The following LGR4 variants were observed in gnomAD, a reference collection of about 807,000 sequenced individuals.
The protein encoded by LGR4 is leucine-rich repeat-containing G protein-coupled receptor 4.
LGR4 carries 44 observed loss-of-function variants against 84.8 expected under a neutral mutation model. The observed-to-expected ratio is 0.52, with a 90% confidence interval of 0.41 to 0.67. The LOEUF is 0.67. LGR4 is among the 30% of genes least tolerant of loss of function. The pLI, the probability that LGR4 is intolerant of heterozygous loss-of-function variation, is 0.00. For synonymous variants in LGR4, 429 were observed against 434.3 expected (o/e 0.99, Z 0.15); for missense variants, 1,032 against 1,131.4 (o/e 0.91, Z 1.26).
chr11:27,429,925 G>C (rs939987826), intron 1 of LGR4, among the ~76,000 whole-genome samples: 1 of 152,132 alleles, frequency 6.6e-6, no homozygotes, highest in Non-Finnish European at 1.5e-5. Flanking sequence ...TCCCCCTGCA[G>C]CCCTGCAGGG....
chr11:27,380,235 T>A (rs769755481), intron 10 of LGR4, 36 bp downstream of exon 10: 2 of 1,385,292 alleles, frequency 1.4e-6, no homozygotes, highest in African/African-American at 2.9e-5. Context: ...AGTAGTGTTA[T>A]CTTTATACAA....
At chr11:27,373,744 A>G in intron 14 of LGR4, 68 bp from the exon 15 acceptor site, 1 of 1,365,418 alleles carries the variant, frequency 7.3e-7, no homozygotes, top group Non-Finnish European at 1.0e-6. Flanking sequence ...CTGTACACGT[A>G]TTAACATCAT....
chr11:27,371,594 G>GA, intron 17 of LGR4, 21 bp downstream of exon 17: 1 of 1,562,562 alleles, frequency 6.4e-7, no homozygotes, highest in Non-Finnish European at 8.8e-7. Context: ...GGGTAACTGT[G>GA]AAAAAATAGG....
At position 27,369,153 on chromosome 11, in the gene LGR4, A is replaced by C. The variant is rs1290038178; in HGVS notation, c.1580-10T>G. On this transcript the variant is annotated splice_polypyrimidine_tract_variant and intron_variant, in intron 17 of 17. Transcript: ENST00000379214. ...CAGGGCTTAAAAGCACCTAAAAAAA[A>C]CACACACAGAGAGAGAGAAATAAAA... The C allele has an allele frequency of 6.4e-7, 1 of 1,566,612 alleles. No individual in the cohort carries two copies. The highest frequency in any genetic ancestry group is 8.6e-7 in the Non-Finnish European group (1 of 1,159,934).
intron 1 of LGR4, among the ~76,000 whole-genome samples, chr11:27,467,504 T>G (rs1384032140): frequency 6.6e-6 from 1 of 150,538 alleles, no homozygotes; most frequent in Non-Finnish European, 1.5e-5. Flanking sequence ...GAGGTGGAGG[T>G]TGCAGTGAGC....
At chr11:27,405,967 CTGTT>C (rs1863600315) in intron 2 of LGR4, among the ~76,000 whole-genome samples, 2 of 152,164 alleles carry the variant, frequency 1.3e-5, no homozygotes, top group Non-Finnish European at 2.9e-5. Context: ...AGTTTAAAGT[CTGTT>C]TCAGTCTGCC....
intron 1 of LGR4, among the ~76,000 whole-genome samples, chr11:27,454,689 C>T (rs1864541628): frequency 1.4e-5 from 2 of 146,810 alleles, no homozygotes; most frequent in South Asian, 4.3e-4. Flanking sequence ...TGAACCAGGG[C>T]GGTGGTGGTT....
At chr11:27,404,298 T>C (rs1439831404) in intron 2 of LGR4, among the ~76,000 whole-genome samples, 3 of 152,220 alleles carry the variant, frequency 2.0e-5, no homozygotes, top group Non-Finnish European at 4.4e-5. Flanking sequence ...GAAGTCCTGA[T>C]TTATCAAATC....
At position 27,455,756 on chromosome 11, in the gene LGR4, T is replaced by C. The variant is rs80231922; in HGVS notation, c.185+16362A>G. 5.1e-3 allele frequency among the ~76,000 whole-genome samples: 780 copies of C among 152,306 alleles called. 6 individuals carry two copies. Among genetic ancestry groups the C allele is most frequent in the African/African-American group, 0.015 (618 of 41,576 alleles). ...TACATTTAGGAAGAGCACTGAAAGATACTGTTATACAGCCCACTCAACCAA... is the reference window on the plus strand; with the variant it reads ...TACATTTAGGAAGAGCACTGAAAGACACTGTTATACAGCCCACTCAACCAA... On this transcript the variant is annotated intron_variant, in intron 1 of 17. Transcript: ENST00000379214.
At chr11:27,453,268 T>A (rs1321735984) in intron 1 of LGR4, among the ~76,000 whole-genome samples, 1 of 152,082 alleles carries the variant, frequency 6.6e-6, no homozygotes, top group African/African-American at 2.4e-5. Context: ...AGGGTTTCAC[T>A]GTGTTGGCCA....
At position 27,437,343 on chromosome 11, in the gene LGR4, C is replaced by T. The variant is rs565993854; in HGVS notation, c.186-24483G>A. 5.3e-4 allele frequency among the ~76,000 whole-genome samples: 80 copies of T among 151,854 alleles called. 2 individuals carry two copies. The highest frequency in any genetic ancestry group is 8.7e-4 in the Non-Finnish European group (59 of 67,974). ...TGTTTTGAAAAGAAATTATAATTATCCATGTGTATTGAACAGACCAAAGAC... is the reference window on the plus strand; with the variant it reads ...TGTTTTGAAAAGAAATTATAATTATTCATGTGTATTGAACAGACCAAAGAC... On this transcript the variant is annotated intron_variant, in intron 1 of 17. Coordinates refer to ENST00000379214, the MANE Select transcript of LGR4 (RefSeq NM_018490.5).
chr11:27,396,535 TA>T (rs1052576431), intron 2 of LGR4, among the ~76,000 whole-genome samples: 17 of 150,948 alleles, frequency 1.1e-4, no homozygotes, highest in South Asian at 4.1e-4. Context: ...TTTTTATTAT[TA>T]TTTTTTTTAT....
intron 17 of LGR4, among the ~76,000 whole-genome samples, chr11:27,370,850 AAC>A (rs1862869467): frequency 6.6e-6 from 1 of 152,166 alleles, no homozygotes; most frequent in East Asian, 1.9e-4. Flanking sequence ...TATAGACACT[AAC>A]ACACAATAAA....
chr11:27,472,104 C>A lies in LGR4; in HGVS notation c.185+14G>T. 1 of 1,308,858 alleles carries A rather than the reference C, an allele frequency of 7.6e-7. No individual in the cohort carries two copies. The highest frequency in any genetic ancestry group is 9.7e-7 in the Non-Finnish European group (1 of 1,031,964). The allele number at this position is 1,308,858 out of a possible 1,614,324, so 81.1% of individuals were successfully genotyped here. A position where few individuals can be genotyped will look rare whatever the true frequency, so the allele number is the denominator to read the frequency against. ...TTCCTCCCCCCCCCTCGCGTCCCCG[C>A]CGCCCGCACTCACAGCGCTTGGGTG... On this transcript the variant is annotated intron_variant, in intron 1 of 17. Transcript: ENST00000379214.
At chr11:27,388,399 T>C (rs1320479676) in intron 4 of LGR4, among the ~76,000 whole-genome samples, 2 of 152,192 alleles carry the variant, frequency 1.3e-5, no homozygotes, top group African/African-American at 2.4e-5. Flanking sequence ...CTGAAAAGCA[T>C]CAGCTATCTC....
chr11:27,453,182 C>T (rs1212284655), intron 1 of LGR4, among the ~76,000 whole-genome samples: 1 of 151,998 alleles, frequency 6.6e-6, no homozygotes. Flanking sequence ...AAATCTCCTG[C>T]CTCAGCCTCC....
intron 2 of LGR4, among the ~76,000 whole-genome samples, chr11:27,410,990 GAC>G (rs1379072917): frequency 6.6e-6 from 1 of 152,114 alleles, no homozygotes; most frequent in African/African-American, 2.4e-5. Flanking sequence ...AACCAGGTTT[GAC>G]TCCACATCCA....
chr11:27,437,005 A>G (rs1864223596), intron 1 of LGR4, among the ~76,000 whole-genome samples: 1 of 152,090 alleles, frequency 6.6e-6, no homozygotes, highest in Admixed American at 6.6e-5. Context: ...ACTAGTTTTA[A>G]TTTCAAAAAA....
chr11:27,426,766 A>G (rs1565089510), intron 1 of LGR4, among the ~76,000 whole-genome samples: 1 of 152,232 alleles, frequency 6.6e-6, no homozygotes, highest in Non-Finnish European at 1.5e-5. Flanking sequence ...ACTGAGACCC[A>G]GAGGGGTTAA....
Sources: allele counts gnomAD v4.1 joint callset (sites outside exome capture counted in the v4.1 genomes callset), GRCh38; gene constraint gnomAD v4.1.1; transcripts MANE v1.5; gene names NCBI Gene and HGNC (gene_info 2026-07-23, HGNC 2026-07-21).